GRID1: variants seen among roughly 807,000 people sequenced by gnomAD.
The protein encoded by GRID1 is glutamate ionotropic receptor delta type subunit 1, also known as glutamate receptor ionotropic, delta-1.
Under a neutral mutation model 98.0 loss-of-function variants are expected in GRID1, and 28 were observed. The observed-to-expected ratio is 0.29, with a 90% CI of 0.21 to 0.39. The LOEUF is 0.39. GRID1 is among the 10% of genes least tolerant of loss of function. The probability of loss-of-function intolerance (pLI) is 1.00; values close to 1 mark genes in which losing one functional copy is unlikely to be tolerated. For missense variants in GRID1, 1,111 were observed against 1,340.5 expected (o/e 0.83, Z 2.67); for synonymous variants, 553 against 538.5 (o/e 1.03, Z -0.37).
intron 4 of GRID1, among the ~76,000 whole-genome samples, chr10:86,121,477 A>T (rs1262156933): frequency 3.1e-5 from 1 of 32,744 alleles, no homozygotes; most frequent in East Asian, 9.0e-4. Context: ...CATCATCATC[A>T]CTACCATCAT....
chr10:86,120,262 T>C (rs1482238417), intron 4 of GRID1, among the ~76,000 whole-genome samples: 3 of 152,210 alleles, frequency 2.0e-5, no homozygotes, highest in Admixed American at 2.0e-4. Context: ...GCTCTGACCA[T>C]CTATGCTCCT....
At chr10:86,225,532 G>A (rs549987425) in intron 2 of GRID1, among the ~76,000 whole-genome samples, 201 of 152,252 alleles carry the variant, frequency 1.3e-3, no homozygotes, top group African/African-American at 4.4e-3. Flanking sequence ...GCTGGATGTC[G>A]GCCTGGAGAC....
At chr10:86,125,951 A>T (rs1256441634) in intron 4 of GRID1, among the ~76,000 whole-genome samples, 2 of 152,248 alleles carry the variant, frequency 1.3e-5, no homozygotes, top group Non-Finnish European at 2.9e-5. Flanking sequence ...GCTTCTGGCC[A>T]ACAGTAAGCT....
intron 8 of GRID1, among the ~76,000 whole-genome samples, chr10:85,767,065 G>C (rs950181245): frequency 4.6e-5 from 7 of 151,958 alleles, no homozygotes; most frequent in Non-Finnish European, 8.8e-5. Context: ...TTCCAATAAG[G>C]TTTATAATTT....
chr10:86,293,946 A>C (rs1201458049), intron 2 of GRID1, among the ~76,000 whole-genome samples: 1 of 152,248 alleles, frequency 6.6e-6, no homozygotes, highest in Admixed American at 6.5e-5. Context: ...TAATAAATAA[A>C]AATTTATTGC....
At chr10:86,141,948 TAGCTCC>T in intron 3 of GRID1, among the ~76,000 whole-genome samples, 1 of 152,240 alleles carries the variant, frequency 6.6e-6, no homozygotes. Flanking sequence ...AGGACTCCTC[TAGCTCC>T]AGCTCCAGCT....
At chr10:85,899,559 C>A (rs576774782) in intron 5 of GRID1, among the ~76,000 whole-genome samples, 1 of 152,316 alleles carries the variant, frequency 6.6e-6, no homozygotes, top group Admixed American at 6.5e-5. Flanking sequence ...GATCAAGTTT[C>A]TTGCCATCCC....
At chr10:86,029,766 G>A (rs1198469780) in intron 4 of GRID1, among the ~76,000 whole-genome samples, 6 of 151,758 alleles carry the variant, frequency 4.0e-5, no homozygotes. Context: ...GGATCAATAT[G>A]CTAGTTCTGG....
intron 8 of GRID1, among the ~76,000 whole-genome samples, chr10:85,766,734 G>GTGTT (rs1460476960): frequency 4.3e-5 from 5 of 116,310 alleles, no homozygotes. Context: ...AGATGATTGT[G>GTGTT]TGTGTGTGTG....
At chr10:86,140,632 C>T (rs1313949656) in intron 3 of GRID1, among the ~76,000 whole-genome samples, 1 of 152,032 alleles carries the variant, frequency 6.6e-6, no homozygotes, top group Non-Finnish European at 1.5e-5. Context: ...TGCACAGGGC[C>T]CCCCTTACCA....
intron 3 of GRID1, among the ~76,000 whole-genome samples, chr10:86,190,575 AT>A (rs1369755378): frequency 1.3e-5 from 2 of 152,194 alleles, no homozygotes; most frequent in Non-Finnish European, 2.9e-5. Flanking sequence ...TGACATGCCC[AT>A]CCCCATCCTG....
intron 15 of GRID1, among the ~76,000 whole-genome samples, chr10:85,608,449 T>C (rs949075572): frequency 9.2e-5 from 14 of 152,200 alleles, no homozygotes; most frequent in African/African-American, 3.4e-4. Context: ...CAATTTAACA[T>C]TAGTAATGTC....
At chr10:85,624,127 C>T (rs777556485) in intron 13 of GRID1, among the ~76,000 whole-genome samples, 3 of 152,198 alleles carry the variant, frequency 2.0e-5, no homozygotes, top group African/African-American at 4.8e-5. Flanking sequence ...TGTCTGAGAA[C>T]AGGCATGATA....
chr10:86,006,595 C>T (rs1003122823), intron 4 of GRID1, among the ~76,000 whole-genome samples: 5 of 150,862 alleles, frequency 3.3e-5, no homozygotes, highest in South Asian at 2.1e-4. Context: ...TCCAGCCTGG[C>T]GACAGAGCGA....
intron 13 of GRID1, among the ~76,000 whole-genome samples, chr10:85,625,723 C>T (rs751833160): frequency 2.6e-4 from 40 of 152,184 alleles, no homozygotes; most frequent in Non-Finnish European, 2.8e-4. Flanking sequence ...CTAACACTTA[C>T]AGCATCCTCC....
intron 2 of GRID1, among the ~76,000 whole-genome samples, chr10:86,321,759 G>A (rs1022733831): frequency 1.3e-5 from 2 of 152,118 alleles, no homozygotes; most frequent in Non-Finnish European, 1.5e-5. Flanking sequence ...GACAGCCCTC[G>A]AGTGGCAACA....
intron 2 of GRID1, among the ~76,000 whole-genome samples, chr10:86,225,457 A>G (rs1483223613): frequency 1.3e-5 from 2 of 152,238 alleles, no homozygotes; most frequent in Admixed American, 1.3e-4. Flanking sequence ...TGAGGACTAT[A>G]TATTGCTCAC....
At chr10:85,741,194 TC>T (rs1458197123) in intron 8 of GRID1, among the ~76,000 whole-genome samples, 1 of 152,158 alleles carries the variant, frequency 6.6e-6, no homozygotes, top group Non-Finnish European at 1.5e-5. Flanking sequence ...TTTCTTAGAC[TC>T]AGGGTCCCAG....
chr10:86,178,544 T>C (rs1845610133), intron 3 of GRID1, among the ~76,000 whole-genome samples: 1 of 152,196 alleles, frequency 6.6e-6, no homozygotes, highest in Admixed American at 6.5e-5. Flanking sequence ...GAAGGGCCTC[T>C]GCCACAGGGG....
Sources: gnomAD v4.1 joint callset for allele counts (sites outside exome capture counted in the v4.1 genomes callset) on GRCh38, gnomAD v4.1.1 for gene constraint, MANE v1.5 for transcripts, NCBI Gene and HGNC (gene_info 2026-07-23, HGNC 2026-07-21) for gene names.